Variants in MPZL3 observed in about 807,000 individuals in gnomAD.
The protein encoded by MPZL3 is myelin protein zero like 3.
A neutral mutation model predicts 24.8 loss-of-function variants in MPZL3; 23 were observed. That is an observed-to-expected ratio of 0.93 (90% confidence interval 0.67 to 1.31). MPZL3 has a LOEUF of 1.31. Among genes scored for constraint, MPZL3 ranks in the 40% most tolerant of loss-of-function variants. The pLI is 0.00. For missense variants in MPZL3, 277 were observed against 294.9 expected, an observed-to-expected ratio of 0.94 and a Z score of 0.44; for synonymous variants, 99 against 106.5, an observed-to-expected ratio of 0.93 and a Z score of 0.44.
intron 5 of MPZL3, among the ~76,000 whole-genome samples, chr11:118,231,247 A>G (rs1177908724): frequency 6.6e-6 from 1 of 152,222 alleles, no homozygotes; most frequent in African/African-American, 2.4e-5. Flanking sequence ...ACTCCACAGC[A>G]AATGACACAG....
intron 1 of MPZL3, among the ~76,000 whole-genome samples, chr11:118,250,100 C>T (rs1310823854): frequency 1.3e-5 from 2 of 151,098 alleles, no homozygotes; most frequent in Admixed American, 1.3e-4. Flanking sequence ...CTCCCAGGTT[C>T]AAGTGATTCT....
intron 3 of MPZL3, among the ~76,000 whole-genome samples, chr11:118,236,635 A>T (rs1949429050): frequency 6.6e-6 from 1 of 152,136 alleles, no homozygotes; most frequent in Admixed American, 6.5e-5. Flanking sequence ...ACTACCTCTC[A>T]ACGTTAGAGG....
rs1037921201 is a variant in MPZL3, at chr11:118,244,300, C to G, written c.74-3923G>C. Among the ~76,000 whole-genome samples the G allele has an allele frequency of 8.5e-5, 13 of 152,186 alleles. 1 individual carries two copies. Among genetic ancestry groups the G allele is most frequent in the African/African-American group, 3.1e-4 (13 of 41,444 alleles). On this transcript the variant is annotated intron_variant, in intron 1 of 5. Coordinates refer to ENST00000278949, the MANE Select transcript of MPZL3 (RefSeq NM_198275.3). Reference sequence around the variant, plus strand: ...TACACTCCCTTGTATACTTGAAATACAGCAGAAGTTTGATACATTAATTAA... The same window carrying G: ...TACACTCCCTTGTATACTTGAAATAGAGCAGAAGTTTGATACATTAATTAA...
chr11:118,247,084 A>T (rs1212259719), intron 1 of MPZL3, among the ~76,000 whole-genome samples: 3 of 152,152 alleles, frequency 2.0e-5, no homozygotes, highest in Non-Finnish European at 2.9e-5. Context: ...CAAGAGAGGG[A>T]GGGAGCAGGA....
chr11:118,241,361 C>T (rs1451904461), intron 1 of MPZL3, among the ~76,000 whole-genome samples: 2 of 152,204 alleles, frequency 1.3e-5, no homozygotes, highest in Admixed American at 6.5e-5. Flanking sequence ...ATCGGCAGTG[C>T]TTCTGGTACA....
At chr11:118,250,855 G>T (rs1364921689) in intron 1 of MPZL3, among the ~76,000 whole-genome samples, 1 of 152,124 alleles carries the variant, frequency 6.6e-6, no homozygotes, top group Admixed American at 6.5e-5. Context: ...AAAGTGCTGG[G>T]ATTACAGGCA....
At chr11:118,230,681 C>T (rs528975847) in intron 5 of MPZL3, among the ~76,000 whole-genome samples, 5 of 152,282 alleles carry the variant, frequency 3.3e-5, no homozygotes, top group African/African-American at 1.2e-4. Flanking sequence ...TCATTCTCAG[C>T]TGACGGCCTT....
In MPZL3 at chr11:118,227,216, T is replaced by C. The variant is rs902196766; in HGVS notation, c.*2678A>G. The C allele has an allele frequency of 6.6e-6, 1 of 152,208 alleles. No homozygotes were observed. Among genetic ancestry groups the C allele is most frequent in the Non-Finnish European group, 1.5e-5 (1 of 68,030 alleles). The allele number at this position is 152,208 out of a possible 1,614,324, so 9.4% of individuals were successfully genotyped here. A position where few individuals can be genotyped will look rare whatever the true frequency, so the allele number is the denominator to read the frequency against. Reference sequence around the variant, plus strand: ...TAAAACTTAAAGTCATGTAACCACATGTAAAAACTTCAGCAGCTAAAGAAA... The same window carrying C: ...TAAAACTTAAAGTCATGTAACCACACGTAAAAACTTCAGCAGCTAAAGAAA... On this transcript the variant is annotated 3_prime_UTR_variant, in exon 6 of 6. Coordinates refer to ENST00000278949, the MANE Select transcript of MPZL3 (RefSeq NM_198275.3).
intron 5 of MPZL3, among the ~76,000 whole-genome samples, chr11:118,232,074 CGT>C (rs1167135829): frequency 9.9e-5 from 15 of 152,180 alleles, no homozygotes; most frequent in Non-Finnish European, 1.8e-4. Flanking sequence ...CTAGCTGCTG[CGT>C]TACTTCTCTG....
chr11:118,234,724 TGC>T (rs1949399624), intron 4 of MPZL3, among the ~76,000 whole-genome samples: 1 of 119,266 alleles, frequency 8.4e-6, no homozygotes, highest in Non-Finnish European at 2.0e-5. Context: ...ATTAAATAAA[TGC>T]ACACACACAC....
In MPZL3 at chr11:118,236,982, G is replaced by T. The variant is rs1228485586; in HGVS notation, c.451+68C>A. 2.2e-6 allele frequency: 3 copies of T among 1,379,592 alleles called. No homozygotes were observed. The Admixed American group carries it at 5.3e-5, about 24-fold the overall frequency. 85.5% of individuals were successfully genotyped at this position (1,379,592 alleles called of 1,614,324 possible). On this transcript the variant is annotated intron_variant, in intron 3 of 5. Transcript: ENST00000278949. ...AAGATAGACAGCTTTGTTTATCATCGAGCTCTCCAGAAAGCACCACAGCAG... is the reference window on the plus strand; with the variant it reads ...AAGATAGACAGCTTTGTTTATCATCTAGCTCTCCAGAAAGCACCACAGCAG...
intron 1 of MPZL3, among the ~76,000 whole-genome samples, chr11:118,243,382 C>G (rs1057498867): frequency 2.0e-5 from 3 of 152,324 alleles, no homozygotes; most frequent in Admixed American, 1.3e-4. Flanking sequence ...ATCCTTACTT[C>G]CAACCTGAAA....
At chr11:118,231,661 T>G (rs1056721209) in intron 5 of MPZL3, among the ~76,000 whole-genome samples, 2 of 152,222 alleles carry the variant, frequency 1.3e-5, no homozygotes, top group East Asian at 3.8e-4. Context: ...CTTCCACATA[T>G]TAGCAAATGG....
intron 5 of MPZL3, among the ~76,000 whole-genome samples, chr11:118,230,623 T>G (rs983278269): frequency 2.0e-5 from 3 of 152,170 alleles, no homozygotes; most frequent in African/African-American, 4.8e-5. Flanking sequence ...TGATGACTAT[T>G]TCATACCCTT....
intron 1 of MPZL3, 40 bp downstream of exon 1, chr11:118,252,182 C>T (rs1949628421): frequency 1.2e-6 from 2 of 1,608,658 alleles, no homozygotes; most frequent in Non-Finnish European, 1.7e-6. Flanking sequence ...TTCCCTAACC[C>T]CCCGGCCGGA....
At chr11:118,241,868 T>C (rs1174169537) in intron 1 of MPZL3, among the ~76,000 whole-genome samples, 1 of 152,222 alleles carries the variant, frequency 6.6e-6, no homozygotes, top group African/African-American at 2.4e-5. Flanking sequence ...TTACTTCTGG[T>C]CTGCCTATGG....
In MPZL3 at chr11:118,240,192, C is replaced by T. The variant is rs772535448; in HGVS notation, c.240+19G>A. On this transcript the variant is annotated intron_variant, in intron 2 of 5. Transcript: ENST00000278949. ...AAAACTGTTGACCAAAGGAACATTC[C>T]GAAAAAGTACACACTTACTGATACT... 36 of 1,510,488 alleles carry T rather than the reference C, an allele frequency of 2.4e-5. No homozygotes were observed. Among genetic ancestry groups the T allele is most frequent in the East Asian group, 1.3e-4 (5 of 38,474 alleles). The allele number at this position is 1,510,488 out of a possible 1,614,324, so 93.6% of individuals were successfully genotyped here. A position where few individuals can be genotyped will look rare whatever the true frequency, so the allele number is the denominator to read the frequency against.
chr11:118,244,162 C>T (rs1198465160), intron 1 of MPZL3, among the ~76,000 whole-genome samples: 1 of 152,224 alleles, frequency 6.6e-6, no homozygotes, highest in Non-Finnish European at 1.5e-5. Flanking sequence ...TTCTCTATCC[C>T]AAAGCTTGCA....
chr11:118,246,435 T>C (rs1302557139), intron 1 of MPZL3, among the ~76,000 whole-genome samples: 8 of 27,494 alleles, frequency 2.9e-4, no homozygotes, highest in African/African-American at 9.0e-4. Flanking sequence ...AATAATACCC[T>C]TTTTTTTTTT....
Sources: allele counts gnomAD v4.1 joint callset (sites outside exome capture counted in the v4.1 genomes callset), GRCh38; gene constraint gnomAD v4.1.1; transcripts MANE v1.5; gene names NCBI Gene and HGNC (gene_info 2026-07-23, HGNC 2026-07-21).